Variants in NFAT5 observed in about 807,000 individuals in gnomAD.
NFAT5 encodes nuclear factor of activated T cells 5.
NFAT5 carries 31 observed loss-of-function variants against 166.5 expected under a neutral mutation model. The ratio of observed to expected loss-of-function variants is 0.19; its 90% CI spans 0.14 to 0.25. The LOEUF (loss-of-function observed/expected upper bound fraction) is 0.25. Ranked by LOEUF, NFAT5 falls within the 10% of genes least tolerant of loss-of-function variation. The pLI is 1.00. For missense variants in NFAT5, 1,449 were observed against 1,821.8 expected, an observed-to-expected ratio of 0.80 and a Z score of 3.72; for synonymous variants, 612 against 639.7, an observed-to-expected ratio of 0.96 and a Z score of 0.65.
intron 7 of NFAT5, among the ~76,000 whole-genome samples, chr16:69,665,188 T>C (rs1167031943): frequency 6.6e-6 from 1 of 152,120 alleles, no homozygotes; most frequent in Non-Finnish European, 1.5e-5. Flanking sequence ...ATCTTGAATC[T>C]ATGACAAACC....
At chr16:69,632,180 A>G (rs2034748362) in intron 3 of NFAT5, 2 of 152,294 alleles carry the variant, frequency 1.3e-5, no homozygotes, top group South Asian at 4.1e-4. Flanking sequence ...ATCTATAATA[A>G]TACACTGTAC....
At chr16:69,629,922 A>G (rs1051206303) in intron 3 of NFAT5, among the ~76,000 whole-genome samples, 1 of 150,316 alleles carries the variant, frequency 6.7e-6, no homozygotes, top group African/African-American at 2.5e-5. Flanking sequence ...GGCATATGCC[A>G]CCACATGGAC....
intron 2 of NFAT5, among the ~76,000 whole-genome samples, chr16:69,607,973 T>G (rs1357653092): frequency 6.6e-6 from 1 of 152,210 alleles, no homozygotes; most frequent in South Asian, 2.1e-4. Flanking sequence ...CTGCATTTGA[T>G]ATAATTTCAA....
intron 2 of NFAT5, among the ~76,000 whole-genome samples, chr16:69,614,726 A>G (rs1364988634): frequency 2.6e-5 from 4 of 152,128 alleles, no homozygotes; most frequent in African/African-American, 9.7e-5. Context: ...CTTAGATCCT[A>G]TTTGGGTTTT....
At chr16:69,594,762 T>C (rs553176720) in intron 2 of NFAT5, among the ~76,000 whole-genome samples, 1 of 152,248 alleles carries the variant, frequency 6.6e-6, no homozygotes, top group South Asian at 2.1e-4. Flanking sequence ...ACAGAACTAA[T>C]AGGATAGATG....
At position 69,692,236 on chromosome 16, in the gene NFAT5, G is replaced by T; in HGVS notation, c.2411G>T (p.Ser804Ile). 6.2e-7 allele frequency: 1 copy of T among 1,614,192 alleles called. No individual in the cohort carries two copies. Among genetic ancestry groups the T allele is most frequent in the East Asian group, 2.2e-5 (1 of 44,892 alleles). The change falls in exon 13 of 15, where the codon AGT becomes ATT. Residue 804 changes from serine (S) to isoleucine (I), a missense_variant. Around this residue, in one of 7 missense-constraint regions of NFAT5, gnomAD observed 891 missense variants for 993.0 expected, o/e 0.90. Transcript: ENST00000349945. ...CTGCAAGCAGGGAGTTTCACAGGCA[G>T]TACTGCTAGTGGCAGCAGTGGAAGT... ...QQLQAGSFTGSTASGSSGSVD... is the reference protein window; with the variant it reads ...QQLQAGSFTGITASGSSGSVD...
At chr16:69,588,252 A>G (rs538642733) in intron 2 of NFAT5, among the ~76,000 whole-genome samples, 4 of 152,254 alleles carry the variant, frequency 2.6e-5, no homozygotes, top group South Asian at 2.1e-4. Flanking sequence ...ACCTGGCCGC[A>G]TGATTAGTGC....
intron 3 of NFAT5, among the ~76,000 whole-genome samples, chr16:69,637,211 C>T (rs527781149): frequency 6.6e-6 from 1 of 152,284 alleles, no homozygotes; most frequent in Non-Finnish European, 1.5e-5. Context: ...CATCAGAGAC[C>T]TGGACCTTAT....
intron 11 of NFAT5, among the ~76,000 whole-genome samples, chr16:69,688,208 A>AACAAAC (rs1166891561): frequency 1.0e-5 from 1 of 100,294 alleles, no homozygotes; most frequent in South Asian, 3.6e-4. Context: ...GTCTCAAAAA[A>AACAAAC]AAAAAAAAAA....
At chr16:69,585,244 C>T (rs1391007806) in intron 2 of NFAT5, among the ~76,000 whole-genome samples, 1 of 151,774 alleles carries the variant, frequency 6.6e-6, no homozygotes, top group Non-Finnish European at 1.5e-5. Flanking sequence ...CCCCTGACCT[C>T]ATGATCCACC....
rs1012044481 is a variant in NFAT5, at chr16:69,702,390, G to A, written c.*6039G>A. 2.6e-5 allele frequency: 4 copies of A among 152,254 alleles called. No individual in the cohort carries two copies. Among genetic ancestry groups the A allele is most frequent in the African/African-American group, 4.8e-5 (2 of 41,424 alleles). The allele number at this position is 152,254 out of a possible 1,614,324, so 9.4% of individuals were successfully genotyped here. The stretch of plus-strand genomic sequence containing the variant: ...TGCTTTAGCACATCATTTTAGAAAC[G>A]TCACATTTTAGAAACATTCAGCTTG... On this transcript the variant is annotated 3_prime_UTR_variant, in exon 15 of 15. Transcript: ENST00000349945.
intron 11 of NFAT5, among the ~76,000 whole-genome samples, chr16:69,689,115 A>T (rs1247876230): frequency 6.6e-6 from 1 of 152,090 alleles, no homozygotes; most frequent in Non-Finnish European, 1.5e-5. Flanking sequence ...TCTCTACAAA[A>T]AAATTTTAAA....
intron 2 of NFAT5, among the ~76,000 whole-genome samples, chr16:69,570,870 G>A (rs1021737384): frequency 1.3e-5 from 2 of 151,922 alleles, no homozygotes; most frequent in Non-Finnish European, 2.9e-5. Context: ...ATCTTTAAAC[G>A]GGAGCAATAA....
chr16:69,651,305 A>G (rs180944747), intron 4 of NFAT5, among the ~76,000 whole-genome samples: 61 of 152,336 alleles, frequency 4.0e-4, no homozygotes, highest in Middle Eastern at 3.4e-3. Flanking sequence ...CCTCTCATCT[A>G]TCAGTCTTAC....
chr16:69,655,596 T>C lies in NFAT5; in HGVS notation c.1006-13T>C, dbSNP rs2035845456. Reference sequence around the variant, plus strand: ...ACTAATTAGTGTTTCTGTTGCATGTTTTCTGGTTTCAGCTGGAAGGCCATA... The same window carrying C: ...ACTAATTAGTGTTTCTGTTGCATGTCTTCTGGTTTCAGCTGGAAGGCCATA... On this transcript the variant is annotated splice_polypyrimidine_tract_variant and intron_variant, in intron 5 of 14. Coordinates refer to ENST00000349945, the MANE Select transcript of NFAT5 (RefSeq NM_138713.4). 4.5e-6 allele frequency: 7 copies of C among 1,545,204 alleles called. No individual in the cohort carries two copies. Among genetic ancestry groups the C allele is most frequent in the Non-Finnish European group, 6.1e-6 (7 of 1,143,276 alleles).
intron 2 of NFAT5, among the ~76,000 whole-genome samples, chr16:69,598,971 G>T (rs529660814): frequency 6.1e-5 from 9 of 147,262 alleles, no homozygotes; most frequent in Admixed American, 2.1e-4. Context: ...CTGAAATGGC[G>T]CCACTGTACT....
intron 7 of NFAT5, among the ~76,000 whole-genome samples, chr16:69,661,344 G>C (rs1035686974): frequency 1.4e-5 from 2 of 144,816 alleles, no homozygotes; most frequent in African/African-American, 5.1e-5. Context: ...GAAGTGTATT[G>C]AACAACATAA....
chr16:69,640,064 T>C (rs2035137274), intron 3 of NFAT5, among the ~76,000 whole-genome samples: 1 of 152,256 alleles, frequency 6.6e-6, no homozygotes, highest in South Asian at 2.1e-4. Flanking sequence ...ATTTTTGTTT[T>C]TTTAATAATC....
intron 2 of NFAT5, among the ~76,000 whole-genome samples, chr16:69,614,509 A>G (rs2033849025): frequency 6.6e-6 from 1 of 152,242 alleles, no homozygotes; most frequent in Admixed American, 6.5e-5. Flanking sequence ...ACTTTTTGGA[A>G]CAATCTTGAA....
Sources: allele counts gnomAD v4.1 joint callset (sites outside exome capture counted in the v4.1 genomes callset), GRCh38; gene constraint gnomAD v4.1.1; regional missense constraint gnomAD v4.1.1; transcripts MANE v1.5; gene names NCBI Gene and HGNC (gene_info 2026-07-23, HGNC 2026-07-21).